The following PTPRD variants were observed in gnomAD, a reference collection of about 807,000 sequenced individuals.
The protein encoded by PTPRD is protein tyrosine phosphatase receptor type D.
A neutral mutation model predicts 214.5 loss-of-function variants in PTPRD; 34 were observed. That is an observed-to-expected ratio of 0.16 (90% CI 0.12 to 0.21). The LOEUF (loss-of-function observed/expected upper bound fraction) is 0.21, where lower values mean the gene tolerates loss of function less well. Ranked by LOEUF, PTPRD falls within the 10% of genes least tolerant of loss-of-function variation. The probability of loss-of-function intolerance (pLI) is 1.00; values close to 1 mark genes in which losing one functional copy is unlikely to be tolerated. For missense variants in PTPRD, 2,545 were observed against 2,398.7 expected, an observed-to-expected ratio of 1.06 and a Z score of -1.27; for synonymous variants, 1,128 against 845.7, an observed-to-expected ratio of 1.33 and a Z score of -5.79.
At chr9:10,100,950 G>T (rs1301119215) in intron 3 of PTPRD, among the ~76,000 whole-genome samples, 5 of 151,598 alleles carry the variant, frequency 3.3e-5, no homozygotes, top group African/African-American at 7.3e-5. Flanking sequence ...ATTTTAACTT[G>T]GTCTTCATTG....
rs757343443 is a variant in PTPRD at position 9,125,654 on chromosome 9, G to C, written c.-143+57650C>G. ...TTTCATTAGAAAACATAGCCTCCCA[G>C]GTGAGAATCACTGATCTAAACAATT... On this transcript the variant is annotated intron_variant, in intron 10 of 45. Transcript: ENST00000381196. Among the ~76,000 whole-genome samples the C allele has an allele frequency of 4.5e-4, 68 of 152,166 alleles. No individual in the cohort carries two copies. In the Middle Eastern group the frequency reaches 0.01, roughly 23 times the overall value.
intron 9 of PTPRD, among the ~76,000 whole-genome samples, chr9:9,245,512 T>C (rs939014335): frequency 1.3e-5 from 2 of 151,512 alleles, no homozygotes; most frequent in Non-Finnish European, 2.9e-5. Flanking sequence ...AGCAAACTAT[T>C]GCAAGGACAA....
chr9:10,544,626 C>G (rs1189956627), intron 2 of PTPRD, among the ~76,000 whole-genome samples: 1 of 152,144 alleles, frequency 6.6e-6, no homozygotes, highest in African/African-American at 2.4e-5. Context: ...TATAAGCACT[C>G]TACACTTTGG....
At chr9:9,140,745 A>AT (rs1480464122) in intron 10 of PTPRD, among the ~76,000 whole-genome samples, 30 of 151,994 alleles carry the variant, frequency 2.0e-4, no homozygotes, top group Non-Finnish European at 7.4e-5. Flanking sequence ...CGCCCGGCTA[A>AT]TTTTTTGTGT....
chr9:9,383,509 G>A (rs779367885), intron 9 of PTPRD, among the ~76,000 whole-genome samples: 1 of 152,014 alleles, frequency 6.6e-6, no homozygotes, highest in South Asian at 2.1e-4. Flanking sequence ...ATCATCCTGA[G>A]TATATTATTT....
At chr9:9,494,728 C>T (rs570534650) in intron 8 of PTPRD, among the ~76,000 whole-genome samples, 3 of 152,096 alleles carry the variant, frequency 2.0e-5, no homozygotes, top group Non-Finnish European at 4.4e-5. Context: ...GTTAAAATGT[C>T]GATATGACCC....
At chr9:9,360,985 A>G (rs2055914171) in intron 9 of PTPRD, among the ~76,000 whole-genome samples, 1 of 151,212 alleles carries the variant, frequency 6.6e-6, no homozygotes, top group African/African-American at 2.4e-5. Context: ...AGTGCCAAAT[A>G]GAGATGACTT....
chr9:10,504,864 A>T (rs879451685), intron 2 of PTPRD, among the ~76,000 whole-genome samples: 1 of 152,092 alleles, frequency 6.6e-6, no homozygotes, highest in Non-Finnish European at 1.5e-5. Context: ...TTACTATTAT[A>T]TTAGGAGATG....
intron 7 of PTPRD, among the ~76,000 whole-genome samples, chr9:9,639,376 T>G (rs2095866521): frequency 6.6e-6 from 1 of 152,324 alleles, no homozygotes; most frequent in African/African-American, 2.4e-5. Context: ...AAAAACTCCT[T>G]GGGATATTCA....
chr9:8,411,690 T>G (rs1185408840), intron 35 of PTPRD, among the ~76,000 whole-genome samples: 1 of 152,200 alleles, frequency 6.6e-6, no homozygotes, highest in African/African-American at 2.4e-5. Context: ...AAAGACAATG[T>G]GCTAGAGGAA....
At chr9:8,336,757 A>G (rs949479914) in intron 43 of PTPRD, among the ~76,000 whole-genome samples, 3 of 152,234 alleles carry the variant, frequency 2.0e-5, no homozygotes, top group African/African-American at 7.2e-5. Context: ...ACGAATTTAC[A>G]GGAAAACAAC....
intron 10 of PTPRD, among the ~76,000 whole-genome samples, chr9:9,135,917 G>T (rs2099850101): frequency 6.6e-6 from 1 of 150,578 alleles, no homozygotes; most frequent in Non-Finnish European, 1.5e-5. Flanking sequence ...ATTAGTTTAT[G>T]ACAACCATTT....
At chr9:8,566,409 G>C (rs770061814) in intron 14 of PTPRD, among the ~76,000 whole-genome samples, 3 of 152,112 alleles carry the variant, frequency 2.0e-5, no homozygotes, top group Non-Finnish European at 4.4e-5. Context: ...TTATTTGGCT[G>C]TTTGAACTAT....
chr9:10,545,992 T>C (rs935521255), intron 2 of PTPRD, among the ~76,000 whole-genome samples: 1 of 152,084 alleles, frequency 6.6e-6, no homozygotes, highest in African/African-American at 2.4e-5. Context: ...ATATAAGAAG[T>C]AGTGCAAACA....
At chr9:8,893,878 T>A (rs1041180955) in intron 11 of PTPRD, among the ~76,000 whole-genome samples, 5 of 152,082 alleles carry the variant, frequency 3.3e-5, no homozygotes, top group African/African-American at 9.7e-5. Flanking sequence ...GAACTATTTA[T>A]GAAAAATTCA....
intron 3 of PTPRD, among the ~76,000 whole-genome samples, chr9:10,285,187 C>A (rs1001174925): frequency 6.6e-6 from 1 of 152,092 alleles, no homozygotes; most frequent in African/African-American, 2.4e-5. Flanking sequence ...ACCCAGTCCT[C>A]CAATATACCT....
chr9:9,712,271 C>T (rs946383596), intron 7 of PTPRD, among the ~76,000 whole-genome samples: 7 of 152,186 alleles, frequency 4.6e-5, no homozygotes, highest in African/African-American at 7.2e-5. Flanking sequence ...TAAAAGAATT[C>T]GGTAATAACC....
intron 3 of PTPRD, among the ~76,000 whole-genome samples, chr9:10,257,414 A>G (rs1439903986): frequency 6.6e-6 from 1 of 152,198 alleles, no homozygotes; most frequent in Non-Finnish European, 1.5e-5. Flanking sequence ...CCTTCTGAGC[A>G]AAATTGCTAG....
At chr9:8,621,702 G>A (rs929319627) in intron 14 of PTPRD, among the ~76,000 whole-genome samples, 1 of 151,686 alleles carries the variant, frequency 6.6e-6, no homozygotes, top group Non-Finnish European at 1.5e-5. Context: ...AGATTAATGG[G>A]ACCCATAGTA....
Sources: gnomAD v4.1 joint callset for allele counts (sites outside exome capture counted in the v4.1 genomes callset) on GRCh38, gnomAD v4.1.1 for gene constraint, MANE v1.5 for transcripts, NCBI Gene and HGNC (gene_info 2026-07-23, HGNC 2026-07-21) for gene names.